The following PLEKHB2 variants were observed in gnomAD, a reference collection of about 807,000 sequenced individuals.
PLEKHB2 encodes the protein pleckstrin homology domain containing B2, also known as pleckstrin homology domain-containing family B member 2.
Under a neutral mutation model 36.5 loss-of-function variants are expected in PLEKHB2, and 31 were observed. The observed-to-expected ratio is 0.85, with a 90% confidence interval of 0.64 to 1.15. PLEKHB2 has a LOEUF of 1.15. Ranked by LOEUF, PLEKHB2 falls within the 50% of genes most tolerant of loss-of-function variation. The pLI is 0.00. For missense variants in PLEKHB2, 262 were observed against 295.3 expected, an observed-to-expected ratio of 0.89 and a Z score of 0.83; for synonymous variants, 119 against 112.0, an observed-to-expected ratio of 1.06 and a Z score of -0.39.
chr2:131,125,735 A>C lies in PLEKHB2; in HGVS notation c.38-18A>C, dbSNP rs1353141196. 7 of 1,576,418 alleles carry C rather than the reference A, an allele frequency of 4.4e-6. No homozygotes were observed. Among genetic ancestry groups the C allele is most frequent in the Non-Finnish European group, 5.2e-6 (6 of 1,164,686 alleles). On this transcript the variant is annotated intron_variant, in intron 2 of 7. Coordinates refer to ENST00000693505, the MANE Select transcript of PLEKHB2 (RefSeq NM_001100623.2). The stretch of plus-strand genomic sequence containing the variant: ...TCTCTAAAAAAAAAAAAACAACCGT[A>C]CTATTTTTTTTTTCCAGGTACTATT...
intron 1 of PLEKHB2, among the ~76,000 whole-genome samples, chr2:131,117,602 C>T (rs1420931139): frequency 1.3e-5 from 2 of 152,058 alleles, no homozygotes; most frequent in African/African-American, 2.4e-5. Context: ...TAATTTTTAG[C>T]CTGTTCTCAT....
intron 6 of PLEKHB2, among the ~76,000 whole-genome samples, chr2:131,138,708 C>A (rs556283049): frequency 6.6e-6 from 1 of 152,196 alleles, no homozygotes; most frequent in Non-Finnish European, 1.5e-5. Context: ...TTGCTTCCCC[C>A]GTAGCCTCCA....
chr2:131,115,502 C>T (rs537261860), intron 1 of PLEKHB2, among the ~76,000 whole-genome samples: 8 of 151,654 alleles, frequency 5.3e-5, no homozygotes, highest in East Asian at 3.9e-4. Flanking sequence ...TACAGGCATG[C>T]GCCACCATGC....
intron 1 of PLEKHB2, among the ~76,000 whole-genome samples, chr2:131,106,358 A>C (rs2104748035): frequency 6.6e-6 from 1 of 152,238 alleles, no homozygotes; most frequent in African/African-American, 2.4e-5. Flanking sequence ...GAATATTCCA[A>C]GGTCTTCTGT....
chr2:131,143,802 T>G (rs1324913106), intron 7 of PLEKHB2, among the ~76,000 whole-genome samples: 1 of 152,234 alleles, frequency 6.6e-6, no homozygotes, highest in Non-Finnish European at 1.5e-5. Flanking sequence ...CTTTCTCAGC[T>G]TCCAGCCCAC....
intron 1 of PLEKHB2, chr2:131,107,551 A>G (rs1188828744): frequency 1.3e-5 from 2 of 152,260 alleles, no homozygotes; most frequent in Non-Finnish European, 2.9e-5. Context: ...AGCCACTTTT[A>G]TAGCGAAAGA....
At chr2:131,126,474 C>T (rs1024473328) in intron 3 of PLEKHB2, among the ~76,000 whole-genome samples, 7 of 152,042 alleles carry the variant, frequency 4.6e-5, no homozygotes, top group East Asian at 1.9e-4. Context: ...TGCAGTGAGC[C>T]GAATATATTT....
At chr2:131,123,133 T>C (rs1467349092) in intron 2 of PLEKHB2, among the ~76,000 whole-genome samples, 2 of 152,224 alleles carry the variant, frequency 1.3e-5, no homozygotes, top group East Asian at 3.8e-4. Context: ...ACATAGACTT[T>C]TCCAGTGTTC....
Position 131,149,101 on chromosome 2 carries a change from C to A in PLEKHB2, c.*2328C>A, listed in dbSNP as rs114887725. 6.6e-6 allele frequency: 1 copy of A among 152,300 alleles called. No homozygotes were observed. Among genetic ancestry groups the A allele is most frequent in the Non-Finnish European group, 1.5e-5 (1 of 68,042 alleles). The allele number at this position is 152,300 out of a possible 1,614,324, so 9.4% of individuals were successfully genotyped here. On this transcript the variant is annotated 3_prime_UTR_variant, in exon 8 of 8. Coordinates refer to ENST00000693505, the MANE Select transcript of PLEKHB2 (RefSeq NM_001100623.2). ...TCCCCAGTCCCCATCCTAGTGGGGC[C>A]AGTCTCATTAGGCAGCCATAGATAA...
chr2:131,129,460 A>ATGAC (rs1440960939), intron 4 of PLEKHB2, among the ~76,000 whole-genome samples: 1 of 151,986 alleles, frequency 6.6e-6, no homozygotes, highest in Non-Finnish European at 1.5e-5. Flanking sequence ...GGATAGGGTC[A>ATGAC]GTAAGAAAAG....
chr2:131,119,605 A>G (rs923025831), intron 1 of PLEKHB2, among the ~76,000 whole-genome samples: 2 of 152,208 alleles, frequency 1.3e-5, no homozygotes, highest in African/African-American at 2.4e-5. Context: ...ATTCCTAGTC[A>G]TGGTGAGATT....
intron 2 of PLEKHB2, among the ~76,000 whole-genome samples, chr2:131,122,831 C>T (rs940171448): frequency 1.3e-5 from 2 of 152,164 alleles, no homozygotes; most frequent in African/African-American, 4.8e-5. Context: ...CAAAGAAAGT[C>T]CTGGCTTGTT....
chr2:131,126,321 T>C (rs1455222693), intron 3 of PLEKHB2, among the ~76,000 whole-genome samples: 1 of 151,482 alleles, frequency 6.6e-6, no homozygotes, highest in Non-Finnish European at 1.5e-5. Context: ...AGGGCAGGAG[T>C]TCAAGACCAC....
At chr2:131,112,761 C>A (rs185306857) in intron 1 of PLEKHB2, among the ~76,000 whole-genome samples, 15 of 152,202 alleles carry the variant, frequency 9.9e-5, no homozygotes, top group Admixed American at 2.6e-4. Flanking sequence ...ATCAGCTTGT[C>A]TGGAAACTAC....
At chr2:131,124,454 G>A (rs1439305468) in intron 2 of PLEKHB2, among the ~76,000 whole-genome samples, 2 of 152,222 alleles carry the variant, frequency 1.3e-5, no homozygotes, top group African/African-American at 4.8e-5. Flanking sequence ...TGGCCTTTAA[G>A]TCCACTGCAG....
chr2:131,115,341 CTTTTTTTTTTTTT>C (rs1179533654), intron 1 of PLEKHB2, among the ~76,000 whole-genome samples: 39 of 64,570 alleles, frequency 6.0e-4, no homozygotes, highest in East Asian at 2.8e-3. Context: ...GAAAGTATGT[CTTTTTTTTTTTTT>C]TTTTTTTTTT....
intron 1 of PLEKHB2, among the ~76,000 whole-genome samples, chr2:131,117,105 G>A (rs1350075985): frequency 6.6e-6 from 1 of 151,552 alleles, no homozygotes; most frequent in South Asian, 2.1e-4. Context: ...CTGAGTGACA[G>A]CTAAACTCCG....
intron 2 of PLEKHB2, 92 bp from the exon 3 acceptor site, chr2:131,125,661 T>C (rs1327573899): frequency 9.8e-7 from 1 of 1,021,358 alleles, no homozygotes; most frequent in Non-Finnish European, 1.4e-6. Flanking sequence ...CCTATGATCA[T>C]GTTTGTGAAT....
intron 4 of PLEKHB2, among the ~76,000 whole-genome samples, chr2:131,127,367 T>C (rs1697203441): frequency 6.6e-6 from 1 of 152,238 alleles, no homozygotes; most frequent in Non-Finnish European, 1.5e-5. Context: ...CATGGCCTTC[T>C]TCGGCTGTGT....
Sources: gnomAD v4.1 joint callset for allele counts (sites outside exome capture counted in the v4.1 genomes callset) on GRCh38, gnomAD v4.1.1 for gene constraint, MANE v1.5 for transcripts, NCBI Gene and HGNC (gene_info 2026-07-23, HGNC 2026-07-21) for gene names.